CRIM1: variants seen among roughly 807,000 people sequenced by gnomAD.
The protein encoded by CRIM1 is cysteine-rich motor neuron 1 protein.
In CRIM1, 32 loss-of-function variants were observed where a neutral mutation model predicts 116.4. The observed-to-expected ratio is 0.27, with a 90% confidence interval of 0.21 to 0.37. The LOEUF is 0.37. Among genes scored for constraint, CRIM1 ranks in the 10% least tolerant of loss-of-function variants. The pLI is 1.00. For synonymous variants in CRIM1, 590 were observed against 509.2 expected (o/e 1.16, Z -2.13); for missense variants, 1,331 against 1,354.8 (o/e 0.98, Z 0.28).
chr2:36,463,647 G>A (rs1677759579), intron 4 of CRIM1, among the ~76,000 whole-genome samples: 1 of 152,080 alleles, frequency 6.6e-6, no homozygotes, highest in South Asian at 2.1e-4. Flanking sequence ...AGTTTCCTGT[G>A]TCCTGCCTCT....
chr2:36,403,194 T>A (rs1471470212), intron 2 of CRIM1, among the ~76,000 whole-genome samples: 3 of 152,194 alleles, frequency 2.0e-5, no homozygotes, highest in African/African-American at 7.2e-5. Flanking sequence ...TAGATTGGTG[T>A]AGAATATGTG....
Position 36,548,382 on chromosome 2 carries a change from G to C in CRIM1, c.2935-143G>C, listed in dbSNP as rs1350771711. 5 of 430,218 alleles carry C rather than the reference G, an allele frequency of 1.2e-5. No homozygotes were observed. In the Admixed American group the frequency reaches 1.3e-4, roughly 11 times the overall value. The allele number at this position is 430,218 out of a possible 1,614,324, so 26.7% of individuals were successfully genotyped here. On this transcript the variant is annotated intron_variant, in intron 16 of 16. Transcript: ENST00000280527. ...AAAAGTATAGTTGGTACTAGAACAA[G>C]ATGTGATAATCTGCATACAGGCTAT...
In CRIM1 at chr2:36,394,624, CAT is replaced by C. The variant is rs3836082; in HGVS notation, c.332-1979_332-1978del. On this transcript the variant is annotated intron_variant, in intron 1 of 16. Coordinates refer to ENST00000280527, the MANE Select transcript of CRIM1 (RefSeq NM_016441.3). ...CTTCTCTCTGTCTATATATATAAAA[CAT>C]ATATATATATCTTATATATGTATGT... 1.2e-4 allele frequency among the ~76,000 whole-genome samples: 18 copies of C among 151,304 alleles called. No individual in the cohort carries two copies. The East Asian group carries it at 3.5e-3, about 29-fold the overall frequency.
chr2:36,443,607 A>C (rs1224472363), intron 4 of CRIM1, among the ~76,000 whole-genome samples: 2 of 152,208 alleles, frequency 1.3e-5, no homozygotes, highest in Non-Finnish European at 2.9e-5. Context: ...CTCAATTTCC[A>C]ACCTCTTCTT....
At chr2:36,416,188 ATAGG>A (rs774191229) in intron 2 of CRIM1, among the ~76,000 whole-genome samples, 23 of 150,306 alleles carry the variant, frequency 1.5e-4, no homozygotes, top group Non-Finnish European at 2.8e-4. Flanking sequence ...AGTCTGGGTG[ATAGG>A]GTGGGATTTT....
chr2:36,499,120 G>T, intron 7 of CRIM1, 99 bp from the exon 8 acceptor site: 1 of 883,216 alleles, frequency 1.1e-6, no homozygotes, highest in South Asian at 1.6e-5. Context: ...TTACTGATTT[G>T]ATTTTTGTAA....
At chr2:36,367,174 C>G (rs995692971) in intron 1 of CRIM1, among the ~76,000 whole-genome samples, 3 of 152,140 alleles carry the variant, frequency 2.0e-5, no homozygotes, top group Admixed American at 2.0e-4. Context: ...AATGGGTATA[C>G]TGTGTGCTTT....
intron 2 of CRIM1, among the ~76,000 whole-genome samples, chr2:36,407,441 C>G (rs965132044): frequency 2.0e-5 from 3 of 152,024 alleles, no homozygotes; most frequent in Non-Finnish European, 4.4e-5. Flanking sequence ...GTTACAGATA[C>G]AAATTTTGGG....
At chr2:36,526,721 C>T (rs1665784254) in intron 13 of CRIM1, among the ~76,000 whole-genome samples, 1 of 152,158 alleles carries the variant, frequency 6.6e-6, no homozygotes, top group South Asian at 2.1e-4. Flanking sequence ...GACCGTGAGT[C>T]TTTCAGTGGA....
intron 5 of CRIM1, among the ~76,000 whole-genome samples, chr2:36,473,123 G>C (rs948269206): frequency 6.6e-6 from 1 of 152,146 alleles, no homozygotes; most frequent in Non-Finnish European, 1.5e-5. Context: ...TGTCTTCTTA[G>C]CGGGGTTGTT....
At chr2:36,508,534 T>A (rs1681587755) in intron 8 of CRIM1, among the ~76,000 whole-genome samples, 1 of 152,216 alleles carries the variant, frequency 6.6e-6, no homozygotes, top group Non-Finnish European at 1.5e-5. Context: ...ATCATTCCAA[T>A]AATTAGACTC....
Position 36,465,799 on chromosome 2 carries a change from C to G in CRIM1, c.991+1144C>G, listed in dbSNP as rs144571243. Among the ~76,000 whole-genome samples, 847 of 152,240 alleles carry G rather than the reference C, an allele frequency of 5.6e-3. 8 individuals carry two copies. Among genetic ancestry groups the G allele is most frequent in the African/African-American group, 0.02 (812 of 41,550 alleles). ...TCCCTGGGCCTCAGTTTCTACATCTCTAAAATGGACTGAATAACAGTAAAT... is the reference window on the plus strand; with the variant it reads ...TCCCTGGGCCTCAGTTTCTACATCTGTAAAATGGACTGAATAACAGTAAAT... On this transcript the variant is annotated intron_variant, in intron 5 of 16. Coordinates refer to ENST00000280527, the MANE Select transcript of CRIM1 (RefSeq NM_016441.3).
chr2:36,410,429 A>C (rs1288496583), intron 2 of CRIM1, among the ~76,000 whole-genome samples: 2 of 152,204 alleles, frequency 1.3e-5, no homozygotes, highest in African/African-American at 4.8e-5. Context: ...TGCAGATAAA[A>C]TCCAAGTTTT....
At position 36,428,596 on chromosome 2, in the gene CRIM1, C is replaced by T. The variant is rs111548655; in HGVS notation, c.506-12662C>T. Among the ~76,000 whole-genome samples, 674 of 152,152 alleles carry T rather than the reference C, an allele frequency of 4.4e-3. 3 individuals carry two copies. Among genetic ancestry groups the T allele is most frequent in the African/African-American group, 0.015 (622 of 41,522 alleles). Reference sequence around the variant, plus strand: ...TACCTCATTGCTTTTATTAAAATACCCAACTTATTATAGTGTCTCTTATTT... The same window carrying T: ...TACCTCATTGCTTTTATTAAAATACTCAACTTATTATAGTGTCTCTTATTT... On this transcript the variant is annotated intron_variant, in intron 2 of 16. Transcript: ENST00000280527.
intron 2 of CRIM1, among the ~76,000 whole-genome samples, chr2:36,422,801 G>A (rs1674171732): frequency 6.6e-6 from 1 of 152,150 alleles, no homozygotes; most frequent in Non-Finnish European, 1.5e-5. Context: ...TGTTCTCATA[G>A]GAGCTGTTAT....
chr2:36,480,862 T>A (rs957689489), intron 7 of CRIM1, among the ~76,000 whole-genome samples: 1 of 151,970 alleles, frequency 6.6e-6, no homozygotes, highest in African/African-American at 2.4e-5. Context: ...TATATACTCC[T>A]CCCATTCCCT....
chr2:36,393,332 T>C (rs113974669), intron 1 of CRIM1, among the ~76,000 whole-genome samples: 4 of 152,322 alleles, frequency 2.6e-5, no homozygotes, highest in Non-Finnish European at 5.9e-5. Flanking sequence ...AAACATGTTC[T>C]TTATATTATC....
In CRIM1 at chr2:36,514,857, A is replaced by G. The variant is rs79819922; in HGVS notation, c.1990+1092A>G. ...CAGCTCTGAGATTCTGCACAGCTCA[A>G]TAGCTACAGTATCAGAGTGACAGGC... On this transcript the variant is annotated intron_variant, in intron 11 of 16. Transcript: ENST00000280527. Among the ~76,000 whole-genome samples the G allele has an allele frequency of 8.7e-3, 1,325 of 152,352 alleles. 19 individuals are homozygous for G. Among genetic ancestry groups the G allele is most frequent in the African/African-American group, 0.031 (1,273 of 41,576 alleles).
chr2:36,480,375 A>G (rs141519621), intron 7 of CRIM1, among the ~76,000 whole-genome samples: 23 of 152,242 alleles, frequency 1.5e-4, no homozygotes, highest in African/African-American at 4.8e-4. Flanking sequence ...TCTTGTGTCC[A>G]TGTGTGTTAG....
Sources: allele counts gnomAD v4.1 joint callset (sites outside exome capture counted in the v4.1 genomes callset), GRCh38; gene constraint gnomAD v4.1.1; transcripts MANE v1.5; gene names NCBI Gene and HGNC (gene_info 2026-07-23, HGNC 2026-07-21).